The following NR2C2 variants were observed in gnomAD, a reference collection of about 807,000 sequenced individuals.
NR2C2 encodes the protein nuclear receptor subfamily 2 group C member 2, also known as Nuclear hormone receptor TR4.
NR2C2 carries 6 observed loss-of-function variants against 62.9 expected under a neutral mutation model. The observed-to-expected ratio is 0.10, with a 90% CI of 0.05 to 0.19. The LOEUF (loss-of-function observed/expected upper bound fraction) is 0.19, where lower values mean the gene tolerates loss of function less well. Ranked by LOEUF, NR2C2 falls within the 10% of genes least tolerant of loss-of-function variation. The pLI, the probability that NR2C2 is intolerant of heterozygous loss-of-function variation, is 1.00. For synonymous variants in NR2C2, 272 were observed against 273.8 expected (o/e 0.99, Z 0.07); for missense variants, 479 against 762.7 (o/e 0.63, Z 4.38).
At chr3:14,998,754 G>C (rs2040902287) in intron 1 of NR2C2, among the ~76,000 whole-genome samples, 1 of 152,162 alleles carries the variant, frequency 6.6e-6, no homozygotes, top group African/African-American at 2.4e-5. Context: ...GCTCACACCT[G>C]TAATCCCAAC....
chr3:14,993,282 C>T (rs1283890505), intron 1 of NR2C2, among the ~76,000 whole-genome samples: 1 of 151,840 alleles, frequency 6.6e-6, no homozygotes, highest in Non-Finnish European at 1.5e-5. Context: ...GGTGAAACCC[C>T]GTCTCTACTA....
chr3:15,003,857 G>A lies in NR2C2; in HGVS notation c.-39-19G>A, dbSNP rs1559557801. On this transcript the variant is annotated intron_variant, in intron 1 of 13. Coordinates refer to ENST00000425241, the MANE Select transcript of NR2C2 (RefSeq NM_001291694.2). Reference sequence around the variant, plus strand: ...TCATTCTGAACCCCCTTGTGATCCAGCCCACTTCTCACCCACAGGTAACAC... The same window carrying A: ...TCATTCTGAACCCCCTTGTGATCCAACCCACTTCTCACCCACAGGTAACAC... The A allele has an allele frequency of 9.0e-6, 14 of 1,547,034 alleles. No individual in the cohort carries two copies. The highest frequency in any genetic ancestry group is 1.2e-5 in the Non-Finnish European group (14 of 1,120,014).
intron 11 of NR2C2, among the ~76,000 whole-genome samples, chr3:15,036,973 T>G (rs2042118612): frequency 6.6e-6 from 1 of 150,858 alleles, no homozygotes; most frequent in Non-Finnish European, 1.5e-5. Context: ...AATACAAAAA[T>G]TAGCCTGACA....
chr3:14,951,429 A>G (rs573077305), intron 1 of NR2C2, among the ~76,000 whole-genome samples: 73 of 152,350 alleles, frequency 4.8e-4, no homozygotes, highest in South Asian at 2.3e-3. Flanking sequence ...TTTATATTGT[A>G]AAACTTTTAA....
At chr3:15,011,452 GA>G (rs769127488) in intron 2 of NR2C2, among the ~76,000 whole-genome samples, 43 of 152,238 alleles carry the variant, frequency 2.8e-4, no homozygotes, top group Non-Finnish European at 4.1e-4. Flanking sequence ...GCAGCTGAGA[GA>G]AGTATGTGTC....
At chr3:15,023,465 G>A (rs1217423649) in intron 6 of NR2C2, 118 bp downstream of exon 6, 2 of 1,193,184 alleles carry the variant, frequency 1.7e-6, no homozygotes, top group East Asian at 4.7e-5. Context: ...CCAGCGTTGT[G>A]TTGCCTAATT....
At chr3:14,995,632 T>C (rs2040810839) in intron 1 of NR2C2, among the ~76,000 whole-genome samples, 1 of 150,922 alleles carries the variant, frequency 6.6e-6, no homozygotes, top group South Asian at 2.1e-4. Flanking sequence ...GCTGTGAACA[T>C]TGTGTACCAG....
Position 14,983,472 on chromosome 3 carries a change from C to T in NR2C2, c.-39-20404C>T, listed in dbSNP as rs570963381. On this transcript the variant is annotated intron_variant, in intron 1 of 13. Transcript: ENST00000425241. ...GGATTATACTCTTTATACACACACA[C>T]ACACACACACACACACACACACATT... Among the ~76,000 whole-genome samples the T allele has an allele frequency of 1.5e-4, 22 of 150,092 alleles. No homozygotes were observed. The South Asian group carries it at 4.8e-3, about 32-fold the overall frequency.
Position 15,003,995 on chromosome 3 carries a change from A to C in NR2C2, c.72+9A>C, listed in dbSNP as rs970450822. On this transcript the variant is annotated intron_variant, in intron 2 of 13. Coordinates refer to ENST00000425241, the MANE Select transcript of NR2C2 (RefSeq NM_001291694.2). The stretch of plus-strand genomic sequence containing the variant: ...CACCTCAGCGCATTCAGGTACCTGC[A>C]ACCTGCCAATGGCAACCCTGCCTTT... 2.5e-6 allele frequency: 4 copies of C among 1,603,834 alleles called. No individual in the cohort carries two copies. Among genetic ancestry groups the C allele is most frequent in the Non-Finnish European group, 3.4e-6 (4 of 1,175,472 alleles).
intron 1 of NR2C2, among the ~76,000 whole-genome samples, chr3:14,997,236 G>T: frequency 6.6e-6 from 1 of 152,174 alleles, no homozygotes; most frequent in African/African-American, 2.4e-5. Flanking sequence ...TGTAGCCTAG[G>T]GGCAATAGGC....
chr3:15,005,432 G>A (rs562947166), intron 2 of NR2C2, among the ~76,000 whole-genome samples: 9 of 143,722 alleles, frequency 6.3e-5, no homozygotes, highest in African/African-American at 1.8e-4. Context: ...GCCAAGGTGG[G>A]TCTCAAACTC....
At chr3:14,981,506 G>A (rs981721197) in intron 1 of NR2C2, among the ~76,000 whole-genome samples, 1 of 151,174 alleles carries the variant, frequency 6.6e-6, no homozygotes, top group African/African-American at 2.4e-5. Context: ...GGGAGACTGA[G>A]GCAGGAGAAT....
intron 1 of NR2C2, among the ~76,000 whole-genome samples, chr3:14,976,691 T>C (rs554721785): frequency 2.0e-5 from 3 of 147,740 alleles, no homozygotes; most frequent in South Asian, 4.4e-4. Flanking sequence ...AAAAATCTTA[T>C]ATGTCTGAAC....
At chr3:15,016,918 A>G (rs942106468) in intron 4 of NR2C2, among the ~76,000 whole-genome samples, 6 of 152,192 alleles carry the variant, frequency 3.9e-5, no homozygotes, top group Admixed American at 2.0e-4. Context: ...CAAAAATTCA[A>G]GTGCTGGCCT....
At chr3:15,001,189 A>G (rs900613833) in intron 1 of NR2C2, among the ~76,000 whole-genome samples, 1 of 151,878 alleles carries the variant, frequency 6.6e-6, no homozygotes, top group African/African-American at 2.4e-5. Flanking sequence ...CTTTTGTTAA[A>G]TTTATTTTAT....
intron 9 of NR2C2, among the ~76,000 whole-genome samples, chr3:15,030,965 C>T (rs2041964320): frequency 6.6e-6 from 1 of 152,194 alleles, no homozygotes; most frequent in African/African-American, 2.4e-5. Context: ...GTCTTTTGCT[C>T]ACAGTGCCAT....
intron 1 of NR2C2, among the ~76,000 whole-genome samples, chr3:14,956,317 A>G (rs530370037): frequency 1.3e-5 from 2 of 152,296 alleles, no homozygotes; most frequent in South Asian, 2.1e-4. Flanking sequence ...TAATTTTCCC[A>G]TGAATATGAA....
In NR2C2 at chr3:15,003,858, C is replaced by A. The variant is rs1225650257; in HGVS notation, c.-39-18C>A. 11 of 1,550,270 alleles carry A rather than the reference C, an allele frequency of 7.1e-6. No homozygotes were observed. In the Admixed American group the frequency reaches 1.8e-4, roughly 26 times the overall value. ...CATTCTGAACCCCCTTGTGATCCAG[C>A]CCACTTCTCACCCACAGGTAACACG... On this transcript the variant is annotated intron_variant, in intron 1 of 13. Transcript: ENST00000425241.
At chr3:15,041,991 A>G (rs2042284134) in intron 13 of NR2C2, among the ~76,000 whole-genome samples, 1 of 152,338 alleles carries the variant, frequency 6.6e-6, no homozygotes, top group Middle Eastern at 3.4e-3. Context: ...TTCATGTAAT[A>G]TACAATAACA....
Sources: allele counts gnomAD v4.1 joint callset (sites outside exome capture counted in the v4.1 genomes callset), GRCh38; gene constraint gnomAD v4.1.1; transcripts MANE v1.5; gene names NCBI Gene and HGNC (gene_info 2026-07-23, HGNC 2026-07-21).